The following PTPRQ variants were observed in gnomAD, a reference collection of about 807,000 sequenced individuals.
PTPRQ encodes protein tyrosine phosphatase receptor type Q, also known as phosphatidylinositol phosphatase PTPRQ.
Under a neutral mutation model 246.0 loss-of-function variants are expected in PTPRQ, and 199 were observed. The observed-to-expected ratio is 0.81, with a 90% CI of 0.72 to 0.91. PTPRQ has a LOEUF of 0.91. Among genes scored for constraint, PTPRQ ranks in the 40% least tolerant of loss-of-function variants. The pLI, the probability that PTPRQ is intolerant of heterozygous loss-of-function variation, is 0.00. For synonymous variants in PTPRQ, 869 were observed against 853.2 expected, an observed-to-expected ratio of 1.02 and a Z score of -0.32; for missense variants, 2,624 against 2,528.4, an observed-to-expected ratio of 1.04 and a Z score of -0.81.
chr12:80,477,544 G>A (rs1247830272), intron 8 of PTPRQ, among the ~76,000 whole-genome samples: 1 of 152,196 alleles, frequency 6.6e-6, no homozygotes, highest in Non-Finnish European at 1.5e-5. Flanking sequence ...TGGCCGAATA[G>A]GAACAGCTCC....
At chr12:80,448,192 A>AT (rs1892612944) in intron 3 of PTPRQ, among the ~76,000 whole-genome samples, 1 of 151,974 alleles carries the variant, frequency 6.6e-6, no homozygotes, top group Non-Finnish European at 1.5e-5. Flanking sequence ...CTCAGCCTGA[A>AT]TGTTATTGGT....
chr12:80,506,583 A>G lies in PTPRQ; in HGVS notation c.2470A>G (p.Thr824Ala). ...TTTCTCTTTAGTACTGAAGAAATATACCCAATATATCATTGAGGTGTCTGC... is the reference window on the plus strand; with the variant it reads ...TTTCTCTTTAGTACTGAAGAAATATGCCCAATATATCATTGAGGTGTCTGC... ...TQNIKVLKKY[T>A]QYIIEVSAST... is the part of the protein sequence containing the mutation. The change falls in exon 16 of 45, where the codon ACC becomes GCC. Residue 824 changes from threonine to alanine, a missense_variant. Transcript: ENST00000644991. 1 of 1,534,002 alleles carries G rather than the reference A, an allele frequency of 6.5e-7. No individual in the cohort carries two copies. Among genetic ancestry groups the G allele is most frequent in the Non-Finnish European group, 8.8e-7 (1 of 1,134,732 alleles).
At chr12:80,472,545 AC>A (rs1229155331) in intron 8 of PTPRQ, among the ~76,000 whole-genome samples, 1 of 152,318 alleles carries the variant, frequency 6.6e-6, no homozygotes, top group Non-Finnish European at 1.5e-5. Context: ...CATAAGGTAA[AC>A]AAACACATTT....
rs543264715 is a variant in PTPRQ at position 80,634,885 on chromosome 12, AC to A, written c.5787-58del. The stretch of plus-strand genomic sequence containing the variant: ...TGTCTTTACTTAAAAAGAAAACTAA[AC>A]CTAATTTTATATACTTTGTGTGAAA... On this transcript the variant is annotated intron_variant, in intron 34 of 44. Coordinates refer to ENST00000644991, the MANE Select transcript of PTPRQ (RefSeq NM_001145026.2). The A allele has an allele frequency of 3.5e-3, 5,397 of 1,524,220 alleles. 13 individuals carry two copies. The highest frequency in any genetic ancestry group is 4.4e-3 in the Non-Finnish European group (4,990 of 1,134,512). The allele number at this position is 1,524,220 out of a possible 1,614,324, so 94.4% of individuals were successfully genotyped here. A position where few individuals can be genotyped will look rare whatever the true frequency, so the allele number is the denominator to read the frequency against.
At chr12:80,592,104 A>G (rs2121034389) in intron 26 of PTPRQ, among the ~76,000 whole-genome samples, 2 of 152,204 alleles carry the variant, frequency 1.3e-5, no homozygotes, top group South Asian at 4.1e-4. Flanking sequence ...TTTAAGTTCT[A>G]TGGCCATATT....
rs909762029 is a variant in PTPRQ at position 80,444,927 on chromosome 12, C to T, written c.163+78C>T. The T allele has an allele frequency of 2.4e-5, 33 of 1,379,720 alleles. No homozygotes were observed. The African/African-American group carries it at 4.6e-4, about 19-fold the overall frequency. 85.5% of individuals were successfully genotyped at this position (1,379,720 alleles called of 1,614,324 possible). A position where few individuals can be genotyped will look rare whatever the true frequency, so the allele number is the denominator to read the frequency against. On this transcript the variant is annotated intron_variant, in intron 2 of 44. Transcript: ENST00000644991. Reference sequence around the variant, plus strand: ...ATTCTACTGGATGGAAATACTTATACTGGCAACATGTACATTAAATTCATG... The same window carrying T: ...ATTCTACTGGATGGAAATACTTATATTGGCAACATGTACATTAAATTCATG...
intron 8 of PTPRQ, among the ~76,000 whole-genome samples, chr12:80,483,791 G>A (rs1363507681): frequency 6.6e-6 from 1 of 151,512 alleles, no homozygotes; most frequent in African/African-American, 2.4e-5. Flanking sequence ...GTGTCCATGT[G>A]TTCTCATTGT....
chr12:80,486,802 T>C (rs192988058), intron 9 of PTPRQ, among the ~76,000 whole-genome samples: 2 of 152,134 alleles, frequency 1.3e-5, no homozygotes, highest in Non-Finnish European at 2.9e-5. Context: ...ACCTCCCCAG[T>C]GTGCAACACA....
Position 80,634,935 on chromosome 12 carries a change from C to A in PTPRQ, c.5787-10C>A, listed in dbSNP as rs1456993876. 8.4e-6 allele frequency: 13 copies of A among 1,548,888 alleles called. No individual in the cohort carries two copies. Among genetic ancestry groups the A allele is most frequent in the Non-Finnish European group, 1.0e-5 (12 of 1,145,728 alleles). ...AACTCCCTTCTTGGACTTTACTCCG[C>A]TTGTTTTAGAATTCGACAGAAGCAG... On this transcript the variant is annotated splice_polypyrimidine_tract_variant and intron_variant, in intron 34 of 44. Coordinates refer to ENST00000644991, the MANE Select transcript of PTPRQ (RefSeq NM_001145026.2).
intron 5 of PTPRQ, 116 bp from the exon 6 acceptor site, chr12:80,460,537 C>T (rs1488481193): frequency 2.5e-6 from 1 of 394,792 alleles, no homozygotes; most frequent in Non-Finnish European, 4.5e-6. Context: ...ATAACTTTTG[C>T]ATGTTATGTG....
chr12:80,610,334 A>G, intron 27 of PTPRQ, 105 bp from the exon 28 acceptor site: 4 of 910,136 alleles, frequency 4.4e-6, no homozygotes, highest in Non-Finnish European at 5.9e-6. Flanking sequence ...AAATAAATAC[A>G]AATTTGGCTA....
At chr12:80,514,207 A>G (rs1472077624) in intron 17 of PTPRQ, among the ~76,000 whole-genome samples, 2 of 151,736 alleles carry the variant, frequency 1.3e-5, no homozygotes, top group Non-Finnish European at 2.9e-5. Flanking sequence ...ACTGATGGAA[A>G]TTTCCTTCTT....
Position 80,472,223 on chromosome 12 carries a change from A to G in PTPRQ, c.1158A>G (p.Ser386=). The G allele has an allele frequency of 1.3e-6, 2 of 1,551,506 alleles. No individual in the cohort carries two copies. The change falls in exon 8 of 45, where the codon TCA becomes TCG. Residue 386 remains serine, a synonymous_variant. Transcript: ENST00000644991. ...AETSAGTGPK[S]NISVFTPPDV... is the part of the protein sequence containing the mutation. ...CCAGTGCAGGGACTGGGCCCAAGTC[A>G]AATATTTCAGTATTCACTCCACCAG...
chr12:80,640,465 G>A (rs1222981985), intron 35 of PTPRQ, among the ~76,000 whole-genome samples: 1 of 152,260 alleles, frequency 6.6e-6, no homozygotes, highest in Non-Finnish European at 1.5e-5. Flanking sequence ...TACAAGAAAT[G>A]TTCTATGCTT....
At chr12:80,564,040 G>A (rs544524723) in intron 25 of PTPRQ, among the ~76,000 whole-genome samples, 107 of 151,662 alleles carry the variant, frequency 7.1e-4, no homozygotes, top group South Asian at 2.9e-3. Context: ...TTTTGTGTGC[G>A]TGTGCTTTTT....
chr12:80,530,602 T>G (rs1456659537), intron 17 of PTPRQ, among the ~76,000 whole-genome samples: 1 of 152,168 alleles, frequency 6.6e-6, no homozygotes, highest in Non-Finnish European at 1.5e-5. Context: ...TTTATTTTTG[T>G]GATTATTTGT....
chr12:80,654,036 T>C (rs370332431), intron 38 of PTPRQ, among the ~76,000 whole-genome samples: 10 of 147,168 alleles, frequency 6.8e-5, no homozygotes, highest in East Asian at 1.9e-4. Flanking sequence ...TCTTTCTTTT[T>C]TTTCTTTCTT....
chr12:80,464,095 C>A (rs1227265184), intron 6 of PTPRQ, among the ~76,000 whole-genome samples: 1 of 151,784 alleles, frequency 6.6e-6, no homozygotes, highest in African/African-American at 2.4e-5. Context: ...AGAGTCAAGA[C>A]CCATCAGTGT....
intron 39 of PTPRQ, among the ~76,000 whole-genome samples, chr12:80,663,007 C>T (rs1194280608): frequency 6.6e-6 from 1 of 151,848 alleles, no homozygotes; most frequent in Non-Finnish European, 1.5e-5. Context: ...AACATTTTAC[C>T]TGGTGCTTTA....
Sources: allele counts gnomAD v4.1 joint callset (sites outside exome capture counted in the v4.1 genomes callset), GRCh38; gene constraint gnomAD v4.1.1; transcripts MANE v1.5; gene names NCBI Gene and HGNC (gene_info 2026-07-23, HGNC 2026-07-21).